The following AMBRA1 variants were observed in gnomAD, a reference collection of about 807,000 sequenced individuals.
The protein encoded by AMBRA1 is activating molecule in BECN1-regulated autophagy protein 1.
In AMBRA1, 47 loss-of-function variants were observed where a neutral mutation model predicts 125.4. The observed-to-expected ratio is 0.37, with a 90% CI of 0.30 to 0.48. The LOEUF (loss-of-function observed/expected upper bound fraction) is 0.48, where lower values mean the gene tolerates loss of function less well. Among genes scored for constraint, AMBRA1 ranks in the 20% least tolerant of loss-of-function variants. The pLI is 0.99. For missense variants in AMBRA1, 1,331 were observed against 1,693.4 expected, an observed-to-expected ratio of 0.79 and a Z score of 3.76; for synonymous variants, 626 against 655.5, an observed-to-expected ratio of 0.95 and a Z score of 0.69.
At chr11:46,483,300 C>T (rs1311277811) in intron 11 of AMBRA1, among the ~76,000 whole-genome samples, 2 of 152,200 alleles carry the variant, frequency 1.3e-5, no homozygotes, top group Non-Finnish European at 2.9e-5. Context: ...TCTTAACACT[C>T]CCAAAGGGCC....
intron 11 of AMBRA1, among the ~76,000 whole-genome samples, chr11:46,455,535 G>T (rs1948814604): frequency 6.6e-6 from 1 of 152,194 alleles, no homozygotes. Flanking sequence ...CTACAGGAAA[G>T]TAGTAAGGTC....
chr11:46,582,818 T>C (rs147954019), intron 1 of AMBRA1, among the ~76,000 whole-genome samples: 1,635 of 152,032 alleles, frequency 0.011, 91 homozygotes, highest in Admixed American at 0.096. Flanking sequence ...TAAGGACTGG[T>C]TCTGATCAGA....
At chr11:46,547,954 C>T in intron 2 of AMBRA1, 79 bp from the exon 3 acceptor site, 1 of 1,482,322 alleles carries the variant, frequency 6.7e-7, no homozygotes, top group Non-Finnish European at 9.2e-7. Flanking sequence ...AGCACATTAA[C>T]CATTCTAGAT....
At chr11:46,447,342 G>A (rs951103541) in intron 11 of AMBRA1, among the ~76,000 whole-genome samples, 3 of 151,920 alleles carry the variant, frequency 2.0e-5, no homozygotes, top group Non-Finnish European at 2.9e-5. Context: ...CGAGACCAGC[G>A]TGACCAACAT....
chr11:46,409,874 G>T (rs1163350821), intron 16 of AMBRA1, among the ~76,000 whole-genome samples: 1 of 152,242 alleles, frequency 6.6e-6, no homozygotes, highest in Non-Finnish European at 1.5e-5. Flanking sequence ...ACTAATGGGT[G>T]CCTCAAGAGG....
At chr11:46,517,382 C>G (rs1338893171) in intron 7 of AMBRA1, among the ~76,000 whole-genome samples, 2 of 149,716 alleles carry the variant, frequency 1.3e-5, no homozygotes, top group African/African-American at 4.9e-5. Flanking sequence ...CTTCTGACCT[C>G]AGGTGATCCA....
chr11:46,434,946 G>C lies in AMBRA1; in HGVS notation c.2724C>G (p.Ile908Met), dbSNP rs778054395. Reference protein sequence around the residue: ...SADGQLLAAFIPSSQRGFPDE... With the variant: ...SADGQLLAAFMPSSQRGFPDE... Reference sequence around the variant, plus strand: ...CAGGAAAGCCCCTCTGGCTGCTGGGGATGAAAGCTGCCAGGAGCTGGCCAT... The same window carrying C: ...CAGGAAAGCCCCTCTGGCTGCTGGGCATGAAAGCTGCCAGGAGCTGGCCAT... The change falls in exon 13 of 18, where the codon ATC (isoleucine) becomes ATG (methionine). Residue 908 changes from isoleucine to methionine, a missense_variant. Transcript: ENST00000683756. The C allele has an allele frequency of 6.2e-7, 1 of 1,614,054 alleles. No individual in the cohort carries two copies. Among genetic ancestry groups the C allele is most frequent in the East Asian group, 2.2e-5 (1 of 44,886 alleles).
chr11:46,430,949 C>T (rs982172101), intron 14 of AMBRA1, among the ~76,000 whole-genome samples: 6 of 152,204 alleles, frequency 3.9e-5, no homozygotes, highest in Non-Finnish European at 8.8e-5. Context: ...TGTTCTCAGA[C>T]AAAAATTCAC....
At position 46,530,277 on chromosome 11, in the gene AMBRA1, GCACACAGCACGCTCTACA is replaced by G. The variant is rs559380067; in HGVS notation, c.2072+11650_2072+11667del. ...TTTCATGTTTCAGGATGTATACAAAGCACACAGCACGCTCTACACCATTCAGCCCCAGAGAGAGGAATG... is the reference window on the plus strand; with the variant it reads ...TTTCATGTTTCAGGATGTATACAAAGCCATTCAGCCCCAGAGAGAGGAATG... On this transcript the variant is annotated intron_variant, in intron 7 of 17. Transcript: ENST00000683756. Among the ~76,000 whole-genome samples the G allele has an allele frequency of 9.2e-3, 1,394 of 152,222 alleles. 14 individuals carry two copies. Among genetic ancestry groups the G allele is most frequent in the Middle Eastern group, 0.017 (5 of 294 alleles).
chr11:46,569,302 CA>C (rs2043661611), intron 1 of AMBRA1, among the ~76,000 whole-genome samples: 1 of 148,332 alleles, frequency 6.7e-6, no homozygotes, highest in African/African-American at 2.5e-5. Flanking sequence ...CTTATAAACT[CA>C]TAGTTCATAC....
chr11:46,471,572 C>T (rs1949591204), intron 11 of AMBRA1, among the ~76,000 whole-genome samples: 1 of 151,408 alleles, frequency 6.6e-6, no homozygotes, highest in Non-Finnish European at 1.5e-5. Context: ...AGTAATATTC[C>T]TTTAAGAGTA....
chr11:46,497,513 G>A (rs1950680848), intron 9 of AMBRA1, among the ~76,000 whole-genome samples: 1 of 152,176 alleles, frequency 6.6e-6, no homozygotes, highest in Non-Finnish European at 1.5e-5. Flanking sequence ...GAACTCTGAA[G>A]GAGAAATGAC....
At chr11:46,533,417 T>C (rs1429030745) in intron 7 of AMBRA1, among the ~76,000 whole-genome samples, 1 of 152,232 alleles carries the variant, frequency 6.6e-6, no homozygotes, top group East Asian at 1.9e-4. Context: ...TGTTTACTAT[T>C]AATTTTTCAA....
At chr11:46,408,263 C>T (rs1398820894) in intron 17 of AMBRA1, among the ~76,000 whole-genome samples, 1 of 152,152 alleles carries the variant, frequency 6.6e-6, no homozygotes, top group Non-Finnish European at 1.5e-5. Context: ...TTTCTGTGCT[C>T]TCTCTTTGGA....
At chr11:46,551,171 T>C (rs1565286917) in intron 1 of AMBRA1, among the ~76,000 whole-genome samples, 1 of 149,742 alleles carries the variant, frequency 6.7e-6, no homozygotes, top group Non-Finnish European at 1.5e-5. Context: ...CAAAACAATA[T>C]ATCGAGTAAA....
intron 11 of AMBRA1, among the ~76,000 whole-genome samples, chr11:46,482,854 CA>C (rs1272083044): frequency 6.6e-6 from 1 of 151,664 alleles, no homozygotes; most frequent in African/African-American, 2.4e-5. Context: ...ACTAAAAATA[CA>C]AAAATTAGCC....
chr11:46,425,665 C>T (rs1947091103), intron 14 of AMBRA1, among the ~76,000 whole-genome samples: 1 of 151,646 alleles, frequency 6.6e-6, no homozygotes, highest in African/African-American at 2.4e-5. Context: ...CATGGTGAAT[C>T]CCTGTCTCTA....
chr11:46,538,961 T>C (rs1591064014), intron 7 of AMBRA1, among the ~76,000 whole-genome samples: 1 of 152,316 alleles, frequency 6.6e-6, no homozygotes, highest in South Asian at 2.1e-4. Context: ...AAATGCTCAA[T>C]AGCCATGTGT....
intron 13 of AMBRA1, among the ~76,000 whole-genome samples, chr11:46,433,882 G>A (rs910251756): frequency 3.3e-5 from 5 of 152,068 alleles, no homozygotes; most frequent in African/African-American, 7.2e-5. Flanking sequence ...TTGGGAGGCC[G>A]AGGTCGGGGG....
Sources: gnomAD v4.1 joint callset for allele counts (sites outside exome capture counted in the v4.1 genomes callset) on GRCh38, gnomAD v4.1.1 for gene constraint, MANE v1.5 for transcripts, NCBI Gene and HGNC (gene_info 2026-07-23, HGNC 2026-07-21) for gene names.